Variants in ZNF496 observed in about 807,000 individuals in gnomAD.
ZNF496 encodes NSD1 (nuclear receptor binding SET-domain containing 1)-interacting zinc finger protein 1.
A neutral mutation model predicts 58.9 loss-of-function variants in ZNF496; 11 were observed. The ratio of observed to expected loss-of-function variants is 0.19; its 90% CI spans 0.12 to 0.31. The LOEUF is 0.31. Among genes scored for constraint, ZNF496 ranks in the 10% least tolerant of loss-of-function variants. ZNF496 has a pLI of 1.00. For missense variants in ZNF496, 660 were observed against 783.0 expected (o/e 0.84, Z 1.88); for synonymous variants, 338 against 318.2 (o/e 1.06, Z -0.66).
intron 9 of ZNF496, chr1:247,304,179 C>T (rs1309073813): frequency 3.7e-6 from 1 of 270,804 alleles, no homozygotes; most frequent in Non-Finnish European, 7.5e-6. Flanking sequence ...GGAAGAATGA[C>T]TCCAAAGGTG....
chr1:247,322,906 C>A, intron 6 of ZNF496: 1 of 875,984 alleles, frequency 1.1e-6, no homozygotes. Flanking sequence ...TTGTTTCCTG[C>A]TATCGTCTGC....
chr1:247,306,227 G>A (rs1293715901), intron 9 of ZNF496, among the ~76,000 whole-genome samples: 1 of 150,272 alleles, frequency 6.7e-6, no homozygotes, highest in Non-Finnish European at 1.5e-5. Context: ...ATGGAGTCTT[G>A]CTCCGTGTCC....
At position 247,297,571 on chromosome 1, in the gene ZNF496, G is replaced by A. The variant is rs1270812116; in HGVS notation, c.*2948C>T. Reference sequence around the variant, plus strand: ...CAGCTGCCCAGCCCCTGGGGTGGGAGGGAAGGATCGAGGGGTAGCTGTTGT... The same window carrying A: ...CAGCTGCCCAGCCCCTGGGGTGGGAAGGAAGGATCGAGGGGTAGCTGTTGT... On this transcript the variant is annotated 3_prime_UTR_variant, in exon 10 of 10. Coordinates refer to ENST00000682384, the MANE Select transcript of ZNF496 (RefSeq NM_032752.3). 1 of 152,268 alleles carries A rather than the reference G, an allele frequency of 6.6e-6. No individual in the cohort carries two copies. Among genetic ancestry groups the A allele is most frequent in the Admixed American group, 6.5e-5 (1 of 15,268 alleles). The allele number at this position is 152,268 out of a possible 1,614,324, so 9.4% of individuals were successfully genotyped here.
At chr1:247,311,576 C>G (rs1659605301) in intron 6 of ZNF496, 1 of 152,252 alleles carries the variant, frequency 6.6e-6, no homozygotes, top group Non-Finnish European at 1.5e-5. Context: ...TGGGTCACAG[C>G]ACATTATGGT....
chr1:247,322,473 A>G (rs1029544826), intron 6 of ZNF496, among the ~76,000 whole-genome samples: 1 of 152,198 alleles, frequency 6.6e-6, no homozygotes, highest in Non-Finnish European at 1.5e-5. Context: ...TGATGCTGTC[A>G]TAACTAAATC....
At chr1:247,322,811 A>T in intron 6 of ZNF496, 1 of 1,303,388 alleles carries the variant, frequency 7.7e-7, no homozygotes, top group Non-Finnish European at 1.0e-6. Context: ...ATTCTCTGTA[A>T]AATAAAAGAG....
chr1:247,323,798 G>A (rs1392252479), intron 5 of ZNF496, among the ~76,000 whole-genome samples: 1 of 151,344 alleles, frequency 6.6e-6, no homozygotes, highest in East Asian at 1.9e-4. Flanking sequence ...AAAAGAAAAA[G>A]CCGTAGAGTT....
intron 4 of ZNF496, 33 bp from the exon 5 acceptor site, chr1:247,328,899 G>A (rs1660225015): frequency 2.6e-6 from 4 of 1,557,644 alleles, no homozygotes; most frequent in South Asian, 2.5e-5. Context: ...TCAGGGCTAG[G>A]GGAAGAGGTC....
At chr1:247,318,065 T>C (rs188371854) in intron 6 of ZNF496, among the ~76,000 whole-genome samples, 113 of 152,274 alleles carry the variant, frequency 7.4e-4, no homozygotes, top group African/African-American at 2.6e-3. Context: ...ACTGGAAATG[T>C]GAACAGTACA....
At chr1:247,326,530 C>T (rs1175205997) in intron 5 of ZNF496, among the ~76,000 whole-genome samples, 1 of 152,140 alleles carries the variant, frequency 6.6e-6, no homozygotes, top group Non-Finnish European at 1.5e-5. Context: ...CACCTGCATG[C>T]CTTCCCAGAC....
At chr1:247,312,164 C>G (rs375899345) in intron 6 of ZNF496, 4 of 152,346 alleles carry the variant, frequency 2.6e-5, no homozygotes, top group African/African-American at 9.6e-5. Context: ...AATCACTTCT[C>G]TCTTTTCACA....
chr1:247,320,317 C>T (rs1659920005), intron 6 of ZNF496, among the ~76,000 whole-genome samples: 2 of 152,222 alleles, frequency 1.3e-5, no homozygotes, highest in African/African-American at 2.4e-5. Context: ...GGAATAGTAA[C>T]ACGCAACAAC....
chr1:247,329,231 C>T lies in ZNF496; in HGVS notation c.348G>A (p.Ala116=), dbSNP rs747428321. ...EPESGEQAVA[A]VEALEREPGR... is the part of the protein sequence containing the mutation. Reference sequence around the variant, plus strand: ...CGGGCTCCCGTTCCAGTGCCTCCACCGCGGCCACAGCCTGCTCTCCGCTCT... The same window carrying T: ...CGGGCTCCCGTTCCAGTGCCTCCACTGCGGCCACAGCCTGCTCTCCGCTCT... The change falls in exon 4 of 10, where the codon GCG becomes GCA. Residue 116 remains alanine (A), a synonymous_variant. Coordinates refer to ENST00000682384, the MANE Select transcript of ZNF496 (RefSeq NM_032752.3). This position sits in a 1 kb window ranked among gnomAD's most constrained non-coding sequence, Gnocchi z 5.5. The T allele has an allele frequency of 3.8e-5, 61 of 1,613,484 alleles. No homozygotes were observed. In the Admixed American group the frequency reaches 6.8e-4, roughly 18 times the overall value.
chr1:247,308,560 T>C lies in ZNF496; in HGVS notation c.921A>G (p.Val307=). 1.2e-6 allele frequency: 2 copies of C among 1,614,086 alleles called. No homozygotes were observed. The highest frequency in any genetic ancestry group is 2.2e-5 in the East Asian group (1 of 44,870). Residue 307 remains valine (V), a synonymous_variant, in exon 9 of 10, where the codon GTA becomes GTG. Coordinates refer to ENST00000682384, the MANE Select transcript of ZNF496 (RefSeq NM_032752.3). This position sits in a 1 kb window ranked among gnomAD's most constrained non-coding sequence, Gnocchi z 4.5. ...GCTCCTCACGTTTCCTTCTTTCTTC[T>C]ACCTGGAATGGCTGGAGACTTGGAG... ...LDSPSLQPFQ[V]EERRKREELQ... is the part of the protein sequence containing the mutation.
Position 247,317,487 on chromosome 1 carries a change from G to A in ZNF496, c.651+5667C>T, listed in dbSNP as rs770282220. Among the ~76,000 whole-genome samples, 7 of 152,248 alleles carry A rather than the reference G, an allele frequency of 4.6e-5. 1 individual carries two copies. The Middle Eastern group carries it at 0.01, about 222-fold the overall frequency. On this transcript the variant is annotated intron_variant, in intron 6 of 9. Transcript: ENST00000682384. ...CTTCCACCCTCACCAGGTGCAATGAGGTGCCCTAACACCCCTGCTGGGGTG... is the reference window on the plus strand; with the variant it reads ...CTTCCACCCTCACCAGGTGCAATGAAGTGCCCTAACACCCCTGCTGGGGTG...
chr1:247,314,829 C>T (rs1351258247), intron 6 of ZNF496, among the ~76,000 whole-genome samples: 3 of 152,134 alleles, frequency 2.0e-5, no homozygotes, highest in Admixed American at 6.5e-5. Context: ...TCACGGCAAC[C>T]GCTGCTTCCC....
chr1:247,304,035 A>T (rs1659328583), intron 9 of ZNF496: 9 of 440,142 alleles, frequency 2.0e-5, no homozygotes, highest in South Asian at 1.5e-4. Context: ...ATTATATACC[A>T]GCAGAAACAC....
chr1:247,310,018 G>A (rs1398019790), intron 7 of ZNF496: 22 of 1,406,546 alleles, frequency 1.6e-5, no homozygotes, highest in African/African-American at 4.3e-5. Context: ...TGAGGCTTTC[G>A]GGTGTAAAGC....
Position 247,300,745 on chromosome 1 carries a change from A to T in ZNF496, c.1538T>A (p.Leu513Gln). The T allele has an allele frequency of 6.2e-7, 1 of 1,611,340 alleles. No homozygotes were observed. Among genetic ancestry groups the T allele is most frequent in the Non-Finnish European group, 8.5e-7 (1 of 1,177,932 alleles). ...GCTCAGTTTGGCCTTGCCGTTTTCC[A>T]GCGGCTCTTTGGGACCCTTGTCCGC... ...EDADKGPKEP[L>Q]ENGKAKLSFQ... The change falls in exon 10 of 10, where the codon CTG becomes CAG. Residue 513 changes from leucine (L) to glutamine (Q), a missense_variant. Leu to Gln is a moderately radical substitution (Grantham distance 113). Coordinates refer to ENST00000682384, the MANE Select transcript of ZNF496 (RefSeq NM_032752.3). The surrounding 1 kb of genome is among the most constrained non-coding windows in gnomAD (Gnocchi z 5.7).
Sources: gnomAD v4.1 joint callset for allele counts (sites outside exome capture counted in the v4.1 genomes callset) on GRCh38, gnomAD v4.1.1 for gene constraint, Gnocchi (gnomAD v3.1) non-coding constraint, MANE v1.5 for transcripts, NCBI Gene and HGNC (gene_info 2026-07-23, HGNC 2026-07-21) for gene names.